The following CAMTA1 variants were observed in gnomAD, a reference collection of about 807,000 sequenced individuals.
The protein encoded by CAMTA1 is calmodulin-binding transcription activator 1.
A neutral mutation model predicts 170.9 loss-of-function variants in CAMTA1; 27 were observed. That is an observed-to-expected ratio of 0.16 (90% CI 0.12 to 0.22). The LOEUF (loss-of-function observed/expected upper bound fraction) is 0.22, where lower values mean the gene tolerates loss of function less well. Among genes scored for constraint, CAMTA1 ranks in the 10% least tolerant of loss-of-function variants. CAMTA1 has a pLI of 1.00. For missense variants in CAMTA1, 1,619 were observed against 2,217.2 expected, an observed-to-expected ratio of 0.73 and a Z score of 5.42; for synonymous variants, 833 against 891.5, an observed-to-expected ratio of 0.93 and a Z score of 1.17.
In CAMTA1 at chr1:7,092,425, T is replaced by G. The variant is rs1641604718; in HGVS notation, c.302+1054T>G. On this transcript the variant is annotated intron_variant, in intron 4 of 22. Transcript: ENST00000303635. The surrounding 1 kb of genome is among the most constrained non-coding windows in gnomAD (Gnocchi z 5.0). The stretch of plus-strand genomic sequence containing the variant: ...AATACCACATTATTAGGCTGAGATA[T>G]TTACTGGTTAGCATCTTTTAGGTGA... 6.6e-6 allele frequency among the ~76,000 whole-genome samples: 1 copy of G among 152,258 alleles called. No individual in the cohort carries two copies. Among genetic ancestry groups the G allele is most frequent in the East Asian group, 1.9e-4 (1 of 5,180 alleles).
intron 4 of CAMTA1, among the ~76,000 whole-genome samples, chr1:7,180,165 G>A (rs1419922378): frequency 2.0e-5 from 3 of 152,004 alleles, no homozygotes; most frequent in Admixed American, 6.6e-5. Flanking sequence ...TCAGGAGTTC[G>A]AGATCAGCGT....
chr1:7,513,626 A>G (rs1162361215), intron 6 of CAMTA1, among the ~76,000 whole-genome samples: 1 of 152,064 alleles, frequency 6.6e-6, no homozygotes, highest in African/African-American at 2.4e-5. Context: ...TTTTCTTACC[A>G]AAACACCGGT....
intron 11 of CAMTA1, among the ~76,000 whole-genome samples, chr1:7,697,581 A>G (rs2096389884): frequency 6.6e-6 from 1 of 152,140 alleles, no homozygotes; most frequent in Admixed American, 6.5e-5. Flanking sequence ...GTGTATTTTA[A>G]CATCCAACAT....
intron 3 of CAMTA1, among the ~76,000 whole-genome samples, chr1:6,841,575 G>T (rs1306352285): frequency 6.6e-6 from 1 of 152,110 alleles, no homozygotes; most frequent in Non-Finnish European, 1.5e-5. Context: ...GTTCTTGGTG[G>T]CAGTTTTGCT....
chr1:7,753,511 T>C (rs1194604952), intron 21 of CAMTA1, among the ~76,000 whole-genome samples: 2 of 152,236 alleles, frequency 1.3e-5, no homozygotes, highest in African/African-American at 2.4e-5. Context: ...TCATATTTAA[T>C]TGGATTCCTT....
rs951037340 is a variant in CAMTA1, at chr1:7,064,682, C to T, written c.235-26622C>T. 7.0e-6 allele frequency among the ~76,000 whole-genome samples: 1 copy of T among 142,596 alleles called. No individual in the cohort carries two copies. The highest frequency in any genetic ancestry group is 2.7e-5 in the African/African-American group (1 of 37,300). 93.5% of individuals were successfully genotyped at this position (142,596 alleles called of 152,430 possible). On this transcript the variant is annotated intron_variant, in intron 3 of 22. Transcript: ENST00000303635. The surrounding 1 kb of genome is among the most constrained non-coding windows in gnomAD (Gnocchi z 5.4). The stretch of plus-strand genomic sequence containing the variant: ...AGATGGGAAAGACTGAAGCATGTCC[C>T]GGGACTGAAGGAAGTGGGGGCTGGA...
chr1:7,421,805 T>C (rs909185687), intron 5 of CAMTA1, among the ~76,000 whole-genome samples: 1 of 123,540 alleles, frequency 8.1e-6, no homozygotes, highest in East Asian at 2.5e-4. Context: ...TGGGTGTCTG[T>C]GGTCAACAGA....
chr1:7,093,223 T>C lies in CAMTA1; in HGVS notation c.302+1852T>C, dbSNP rs1204387798. 1.3e-5 allele frequency among the ~76,000 whole-genome samples: 2 copies of C among 152,306 alleles called. No individual in the cohort carries two copies. The highest frequency in any genetic ancestry group is 4.8e-5 in the African/African-American group (2 of 41,564). On this transcript the variant is annotated intron_variant, in intron 4 of 22. Transcript: ENST00000303635. This position sits in a 1 kb window ranked among gnomAD's most constrained non-coding sequence, Gnocchi z 4.6. ...GCGGGCCCCACCCTAGGGTTTCTGA[T>C]TCAGCAGGTGCGGTGCAGGGGGCCT...
intron 3 of CAMTA1, among the ~76,000 whole-genome samples, chr1:7,055,196 T>G (rs1234915589): frequency 1.3e-5 from 2 of 152,120 alleles, no homozygotes; most frequent in Non-Finnish European, 2.9e-5. Flanking sequence ...ATCCAAACCA[T>G]ATCAGATAGT....
intron 4 of CAMTA1, among the ~76,000 whole-genome samples, chr1:7,192,981 G>A (rs1186654517): frequency 2.0e-5 from 3 of 152,130 alleles, no homozygotes; most frequent in African/African-American, 4.8e-5. Context: ...CACTGGGCAG[G>A]GGCTCATCCC....
At chr1:6,879,449 G>T (rs1247256107) in intron 3 of CAMTA1, among the ~76,000 whole-genome samples, 2 of 152,186 alleles carry the variant, frequency 1.3e-5, no homozygotes, top group Non-Finnish European at 2.9e-5. Context: ...AGAAAATACA[G>T]TAAGATCAGA....
At chr1:7,414,123 GATAA>G in intron 5 of CAMTA1, among the ~76,000 whole-genome samples, 1 of 152,150 alleles carries the variant, frequency 6.6e-6, no homozygotes. Context: ...GATCATGGTG[GATAA>G]GCTTTTTGAT....
At chr1:7,624,415 C>T (rs753315837) in intron 6 of CAMTA1, among the ~76,000 whole-genome samples, 2 of 152,210 alleles carry the variant, frequency 1.3e-5, no homozygotes, top group African/African-American at 2.4e-5. Flanking sequence ...ACAAATCATC[C>T]TGGTATACCA....
At chr1:7,356,550 G>T (rs1040651928) in intron 5 of CAMTA1, among the ~76,000 whole-genome samples, 1 of 152,162 alleles carries the variant, frequency 6.6e-6, no homozygotes, top group African/African-American at 2.4e-5. Flanking sequence ...AAGTGTGCAT[G>T]AGTGACTGCC....
At chr1:7,107,301 T>TGTGTGTGC (rs765615131) in intron 4 of CAMTA1, among the ~76,000 whole-genome samples, 16 of 151,046 alleles carry the variant, frequency 1.1e-4, no homozygotes, top group African/African-American at 3.7e-4. Context: ...TGTGTGTGTG[T>TGTGTGTGC]GCGCGCCCAC....
chr1:7,094,762 T>C (rs1189196045), intron 4 of CAMTA1, among the ~76,000 whole-genome samples: 1 of 152,196 alleles, frequency 6.6e-6, no homozygotes, highest in East Asian at 1.9e-4. Flanking sequence ...AGCTGAATGC[T>C]GAACGTTCAA....
chr1:7,330,867 A>G (rs2082987002), intron 5 of CAMTA1, among the ~76,000 whole-genome samples: 1 of 152,214 alleles, frequency 6.6e-6, no homozygotes, highest in African/African-American at 2.4e-5. Context: ...GGAAGCAGGC[A>G]GGGCTGGCCT....
chr1:6,866,388 G>A (rs1571140724), intron 3 of CAMTA1, among the ~76,000 whole-genome samples: 2 of 152,186 alleles, frequency 1.3e-5, no homozygotes, highest in Middle Eastern at 3.2e-3. Flanking sequence ...TGCCCTACAG[G>A]AAGCCAGTGG....
intron 5 of CAMTA1, among the ~76,000 whole-genome samples, chr1:7,335,347 C>T (rs998109187): frequency 2.0e-5 from 3 of 152,154 alleles, no homozygotes; most frequent in African/African-American, 7.2e-5. Context: ...TTACCAGTAG[C>T]ACATTCCTAT....
Sources: gnomAD v4.1 joint callset for allele counts (sites outside exome capture counted in the v4.1 genomes callset) on GRCh38, gnomAD v4.1.1 for gene constraint, Gnocchi (gnomAD v3.1) non-coding constraint, MANE v1.5 for transcripts, NCBI Gene and HGNC (gene_info 2026-07-23, HGNC 2026-07-21) for gene names.